ARHGAP18: variants seen among roughly 807,000 people sequenced by gnomAD.
ARHGAP18 encodes the protein Rho GTPase activating protein 18, also known as rho GTPase-activating protein 18.
ARHGAP18 carries 67 observed loss-of-function variants against 86.2 expected under a neutral mutation model. The ratio of observed to expected loss-of-function variants is 0.78; its 90% confidence interval spans 0.64 to 0.95. The LOEUF (loss-of-function observed/expected upper bound fraction) is 0.95, where lower values mean the gene tolerates loss of function less well. Among genes scored for constraint, ARHGAP18 ranks in the 40% least tolerant of loss-of-function variants. The probability of loss-of-function intolerance (pLI) is 0.00; values close to 1 mark genes in which losing one functional copy is unlikely to be tolerated. For missense variants in ARHGAP18, 691 were observed against 780.4 expected (o/e 0.89, Z 1.37); for synonymous variants, 283 against 280.4 (o/e 1.01, Z -0.09).
chr6:129,649,096 C>A (rs915600989), intron 1 of ARHGAP18, among the ~76,000 whole-genome samples: 7 of 152,140 alleles, frequency 4.6e-5, no homozygotes, highest in Non-Finnish European at 7.3e-5. Flanking sequence ...CCATCAGAAC[C>A]CAGAGAAAGA....
At chr6:129,636,375 T>C (rs1486273042) in intron 3 of ARHGAP18, among the ~76,000 whole-genome samples, 1 of 152,232 alleles carries the variant, frequency 6.6e-6, no homozygotes, top group Non-Finnish European at 1.5e-5. Flanking sequence ...GAAGATACCT[T>C]AAATATAAAC....
chr6:129,600,520 G>T, intron 11 of ARHGAP18, 122 bp downstream of exon 11: 1 of 762,580 alleles, frequency 1.3e-6, no homozygotes, highest in Non-Finnish European at 2.0e-6. Flanking sequence ...TTACCTATAT[G>T]AATAAAATGT....
Position 129,625,801 on chromosome 6 carries a change from TTA to T in ARHGAP18, c.786+3550_786+3551del, listed in dbSNP as rs1480595529. On this transcript the variant is annotated intron_variant, in intron 5 of 14. Transcript: ENST00000368149. ...TATATATATAATATATATTTTTATA[TTA>T]TATATTATATATTTATATATTATAT... is the stretch of plus-strand genomic sequence containing the variant. Among the ~76,000 whole-genome samples the T allele has an allele frequency of 4.0e-5, 3 of 75,822 alleles. 1 individual carries two copies. The highest frequency in any genetic ancestry group is 1.1e-4 in the African/African-American group (2 of 17,610). The allele number at this position is 75,822 out of a possible 152,430, so 49.7% of individuals were successfully genotyped here.
At chr6:129,584,841 C>A (rs1788362947) in intron 12 of ARHGAP18, among the ~76,000 whole-genome samples, 1 of 152,094 alleles carries the variant, frequency 6.6e-6, no homozygotes, top group South Asian at 2.1e-4. Flanking sequence ...TTAGAATAAA[C>A]AGCACGCACA....
chr6:129,605,951 T>A lies in ARHGAP18; in HGVS notation c.1291A>T (p.Thr431Ser). The change falls in exon 10 of 15, where the codon ACC becomes TCC. Residue 431 changes from threonine to serine, a missense_variant. By Grantham distance (58) the Thr-to-Ser change is moderately conservative (BLOSUM62 1). Transcript: ENST00000368149. Reference protein sequence around the residue: ...KAFQAVQNLPTKKQQLQALNL... With the variant: ...KAFQAVQNLPSKKQQLQALNL... ...AAAGCCTGTAGTTGCTGCTTCTTGGTTGGAAGATCTGCAGACAAATTAAAT... is the reference window on the plus strand; with the variant it reads ...AAAGCCTGTAGTTGCTGCTTCTTGGATGGAAGATCTGCAGACAAATTAAAT... 6.2e-7 allele frequency: 1 copy of A among 1,613,354 alleles called. No homozygotes were observed. Among genetic ancestry groups the A allele is most frequent in the South Asian group, 1.1e-5 (1 of 91,078 alleles).
intron 12 of ARHGAP18, among the ~76,000 whole-genome samples, chr6:129,591,647 T>C (rs2114437673): frequency 6.6e-6 from 1 of 152,300 alleles, no homozygotes; most frequent in South Asian, 2.1e-4. Context: ...ATTGCTCATA[T>C]TTTTGCACTC....
chr6:129,635,378 G>C (rs545184591), intron 3 of ARHGAP18, among the ~76,000 whole-genome samples: 1 of 152,152 alleles, frequency 6.6e-6, no homozygotes, highest in African/African-American at 2.4e-5. Context: ...ACCCAGGAAA[G>C]TGTTACAGTG....
At chr6:129,584,184 A>G (rs1788345950) in intron 12 of ARHGAP18, 72 bp from the exon 13 acceptor site, 35 of 1,579,374 alleles carry the variant, frequency 2.2e-5, no homozygotes, top group Non-Finnish European at 3.0e-5. Flanking sequence ...TGCATTATAT[A>G]GTAAGTGTGC....
intron 1 of ARHGAP18, among the ~76,000 whole-genome samples, chr6:129,677,628 C>T (rs1774259326): frequency 6.6e-6 from 1 of 152,172 alleles, no homozygotes; most frequent in South Asian, 2.1e-4. Context: ...ATTCAACAAA[C>T]TCCAGGAAAT....
intron 1 of ARHGAP18, among the ~76,000 whole-genome samples, chr6:129,696,210 C>G (rs1774614223): frequency 6.6e-6 from 1 of 152,176 alleles, no homozygotes; most frequent in Non-Finnish European, 1.5e-5. Flanking sequence ...GTCCCATAGT[C>G]CCTTAGAGTA....
intron 5 of ARHGAP18, among the ~76,000 whole-genome samples, chr6:129,628,461 A>C: frequency 6.6e-6 from 1 of 152,234 alleles, no homozygotes; most frequent in Non-Finnish European, 1.5e-5. Context: ...ATATTTGCCC[A>C]GTCTCAAGGA....
At chr6:129,600,230 C>T (rs1788710433) in intron 11 of ARHGAP18, among the ~76,000 whole-genome samples, 1 of 152,102 alleles carries the variant, frequency 6.6e-6, no homozygotes, top group African/African-American at 2.4e-5. Flanking sequence ...CACTTCCATC[C>T]TCTGATAAGC....
chr6:129,680,992 G>T lies in ARHGAP18; in HGVS notation c.113+29032C>A, dbSNP rs7765252. Among the ~76,000 whole-genome samples the T allele has an allele frequency of 5.9e-5, 9 of 152,216 alleles. No individual in the cohort carries two copies. In the East Asian group the frequency reaches 1.5e-3, roughly 26 times the overall value. Reference sequence around the variant, plus strand: ...ACACAGCCCACCATAATCCTGACTCGCCTCCTTCTCTAGTTTCCTGGACAT... The same window carrying T: ...ACACAGCCCACCATAATCCTGACTCTCCTCCTTCTCTAGTTTCCTGGACAT... On this transcript the variant is annotated intron_variant, in intron 1 of 14. Transcript: ENST00000368149.
chr6:129,670,553 AAAAGCAAAACAAACTGCCTGAAGAG>A (rs1774124284), intron 1 of ARHGAP18, among the ~76,000 whole-genome samples: 2 of 152,212 alleles, frequency 1.3e-5, no homozygotes, highest in Non-Finnish European at 2.9e-5. Context: ...CTCATAATTT[AAAAGCAAAACAAACTGCCTGAAGAG>A]AAGGCTACGT....
chr6:129,616,335 T>C (rs768140897), intron 6 of ARHGAP18, 32 bp from the exon 7 acceptor site: 1 of 1,523,020 alleles, frequency 6.6e-7, no homozygotes, highest in African/African-American at 1.4e-5. Context: ...TTCCTCACTT[T>C]TGTCAATCTA....
chr6:129,602,518 T>C (rs2114450861), intron 10 of ARHGAP18, among the ~76,000 whole-genome samples: 1 of 152,310 alleles, frequency 6.6e-6, no homozygotes, highest in East Asian at 1.9e-4. Flanking sequence ...CTGTAAGTGC[T>C]AACAGGTTGC....
intron 1 of ARHGAP18, among the ~76,000 whole-genome samples, chr6:129,665,311 G>A (rs1248367329): frequency 4.6e-5 from 7 of 152,178 alleles, no homozygotes; most frequent in Admixed American, 4.6e-4. Flanking sequence ...TTGGGAGCCT[G>A]AGGCGGGTAG....
chr6:129,679,528 T>C (rs978730956), intron 1 of ARHGAP18, among the ~76,000 whole-genome samples: 1 of 152,184 alleles, frequency 6.6e-6, no homozygotes, highest in African/African-American at 2.4e-5. Flanking sequence ...CGATCCCAGA[T>C]TTATAGTTAT....
chr6:129,614,084 A>C (rs1333857235), intron 7 of ARHGAP18, among the ~76,000 whole-genome samples: 2 of 151,732 alleles, frequency 1.3e-5, no homozygotes, highest in African/African-American at 4.8e-5. Flanking sequence ...CATCCTTCTG[A>C]GAACACAAGG....
Sources: gnomAD v4.1 joint callset for allele counts (sites outside exome capture counted in the v4.1 genomes callset) on GRCh38, gnomAD v4.1.1 for gene constraint, MANE v1.5 for transcripts, NCBI Gene and HGNC (gene_info 2026-07-23, HGNC 2026-07-21) for gene names.